The following ABL1 variants were observed in gnomAD, a reference collection of about 807,000 sequenced individuals.
The protein encoded by ABL1 is tyrosine-protein kinase ABL1.
In ABL1, 11 loss-of-function variants were observed where a neutral mutation model predicts 94.7. The observed-to-expected ratio is 0.12, with a 90% CI of 0.07 to 0.19. ABL1 has a LOEUF of 0.19. ABL1 is among the 10% of genes least tolerant of loss of function. ABL1 has a pLI of 1.00. For synonymous variants in ABL1, 656 were observed against 622.4 expected (o/e 1.05, Z -0.80); for missense variants, 1,082 against 1,489.4 (o/e 0.73, Z 4.50).
upstream of ABL1, among the ~76,000 whole-genome samples, chr9:130,831,217 G>C (rs1275354144): frequency 6.6e-6 from 1 of 152,156 alleles, no homozygotes; most frequent in Non-Finnish European, 1.5e-5. Flanking sequence ...GGGTCAGCCA[G>C]ACCTGGGGTC....
At chr9:130,857,279 A>G (rs1004425073) in intron 3 of ABL1, among the ~76,000 whole-genome samples, 4 of 152,144 alleles carry the variant, frequency 2.6e-5, no homozygotes, top group East Asian at 1.9e-4. Context: ...AAATTGTACA[A>G]ATTTGTTCTC....
chr9:130,794,624 G>C (rs1829950675), intron 1 of ABL1, among the ~76,000 whole-genome samples: 1 of 152,152 alleles, frequency 6.6e-6, no homozygotes. Context: ...TTTGATTACA[G>C]TCTTACTGGC....
rs372838676 is a variant in ABL1, at chr9:130,769,329, C to CTTTTTTTTTTTTT, written c.136+54884_136+54896dup. 2.6e-4 allele frequency among the ~76,000 whole-genome samples: 22 copies of CTTTTTTTTTTTTT among 84,318 alleles called. 2 individuals carry two copies. The highest frequency in any genetic ancestry group is 8.8e-4 in the African/African-American group (19 of 21,544). The allele number at this position is 84,318 out of a possible 152,430, so 55.3% of individuals were successfully genotyped here. On this transcript the variant is annotated intron_variant, in intron 1 of 10. Transcript: ENST00000372348. ...TGGAGAGCCAAACTATGGCCCTAGTCTTTTTTTTTTTTTTTTTTTTTTGAG... is the reference window on the plus strand; with the variant it reads ...TGGAGAGCCAAACTATGGCCCTAGTCTTTTTTTTTTTTTTTTTTTTTTTTTTTTTTTTTTTGAG...
At chr9:130,719,661 G>A (rs1378714538) in intron 1 of ABL1, among the ~76,000 whole-genome samples, 1 of 152,196 alleles carries the variant, frequency 6.6e-6, no homozygotes, top group African/African-American at 2.4e-5. Context: ...TTTGGACCCT[G>A]GGTATTCTTT....
intron 7 of ABL1, among the ~76,000 whole-genome samples, chr9:130,876,581 C>A (rs1831347781): frequency 1.3e-5 from 2 of 150,480 alleles, no homozygotes; most frequent in African/African-American, 4.9e-5. Context: ...CCACGCCTGG[C>A]TAAATTTTTT....
At chr9:130,820,082 A>C (rs1830340106) in intron 1 of ABL1, among the ~76,000 whole-genome samples, 1 of 151,452 alleles carries the variant, frequency 6.6e-6, no homozygotes, top group Non-Finnish European at 1.5e-5. Flanking sequence ...ATTTATTGTT[A>C]ATTAATTCCA....
intron 1 of ABL1, among the ~76,000 whole-genome samples, chr9:130,753,432 T>C (rs1333026936): frequency 4.4e-5 from 6 of 137,046 alleles, no homozygotes; most frequent in East Asian, 2.2e-4. Flanking sequence ...CTTTTTTTTT[T>C]TTTTTTTTTT....
chr9:130,865,707 C>A (rs1831142908), intron 4 of ABL1, among the ~76,000 whole-genome samples: 1 of 143,000 alleles, frequency 7.0e-6, no homozygotes, highest in African/African-American at 2.7e-5. Context: ...AATCGTGCCA[C>A]TGCACTCCTA....
chr9:130,779,807 G>GA (rs1207152631), intron 1 of ABL1, among the ~76,000 whole-genome samples: 13 of 152,186 alleles, frequency 8.5e-5, no homozygotes, highest in Non-Finnish European at 1.3e-4. Flanking sequence ...GGATAAGACA[G>GA]AAATATGGTG....
chr9:130,881,299 C>G (rs1831448646), intron 10 of ABL1, among the ~76,000 whole-genome samples: 1 of 152,200 alleles, frequency 6.6e-6, no homozygotes, highest in Non-Finnish European at 1.5e-5. Flanking sequence ...CCAGGTTCTG[C>G]TGCAGACCAG....
At chr9:130,742,032 G>T (rs1831826630) in intron 1 of ABL1, among the ~76,000 whole-genome samples, 1 of 152,174 alleles carries the variant, frequency 6.6e-6, no homozygotes, top group Non-Finnish European at 1.5e-5. Flanking sequence ...GTTGGGAAGA[G>T]AAGGGAACCT....
At position 130,826,844 on chromosome 9, in the gene ABL1, C is replaced by T. The variant is rs192501600; in HGVS notation, c.137-27220C>T. Among the ~76,000 whole-genome samples, 1,165 of 152,060 alleles carry T rather than the reference C, an allele frequency of 7.7e-3. 14 individuals are homozygous for T. Among genetic ancestry groups the T allele is most frequent in the African/African-American group, 0.026 (1,072 of 41,488 alleles). ...CTGTAATCCCAGCACTTTGGGAGGC[C>T]GAGGCGGGCGGATCACAAGGTCAGG... On this transcript the variant is annotated intron_variant, in intron 1 of 10. Transcript: ENST00000372348.
At chr9:130,790,575 C>T (rs867676342) in intron 1 of ABL1, among the ~76,000 whole-genome samples, 61 of 151,756 alleles carry the variant, frequency 4.0e-4, no homozygotes, top group African/African-American at 1.4e-3. Context: ...CCTTGAACTT[C>T]TGGACTCATG....
intron 3 of ABL1, among the ~76,000 whole-genome samples, chr9:130,857,742 A>G (rs1448018379): frequency 6.6e-6 from 1 of 152,062 alleles, no homozygotes; most frequent in African/African-American, 2.4e-5. Flanking sequence ...CTTCTGGCTG[A>G]AATCCTATTG....
chr9:130,807,205 T>C (rs1427340416), intron 1 of ABL1, among the ~76,000 whole-genome samples: 3 of 152,170 alleles, frequency 2.0e-5, no homozygotes, highest in Admixed American at 6.5e-5. Context: ...ATTGTGTGAG[T>C]AGGCCATCAT....
intron 1 of ABL1, among the ~76,000 whole-genome samples, chr9:130,752,064 A>T (rs1265834461): frequency 6.6e-6 from 1 of 152,216 alleles, no homozygotes; most frequent in Admixed American, 6.5e-5. Context: ...TAATGTAGGG[A>T]TGCTTTGGAC....
At chr9:130,752,562 C>T (rs1180053374) in intron 1 of ABL1, among the ~76,000 whole-genome samples, 1 of 152,196 alleles carries the variant, frequency 6.6e-6, no homozygotes, top group Non-Finnish European at 1.5e-5. Flanking sequence ...GTAGTCTTCT[C>T]TTCCCAAAGC....
At chr9:130,845,097 G>A (rs937381582) in intron 1 of ABL1, among the ~76,000 whole-genome samples, 3 of 152,090 alleles carry the variant, frequency 2.0e-5, no homozygotes, top group African/African-American at 7.2e-5. Flanking sequence ...TTAGTGAGAG[G>A]TCCAAATTAT....
chr9:130,814,604 G>A lies in ABL1; in HGVS notation c.137-39460G>A, dbSNP rs372247563. Among the ~76,000 whole-genome samples the A allele has an allele frequency of 5.3e-5, 8 of 152,184 alleles. No individual in the cohort carries two copies. The highest frequency in any genetic ancestry group is 5.2e-4 in the Admixed American group (8 of 15,274). On this transcript the variant is annotated intron_variant, in intron 1 of 10. Transcript: ENST00000372348. The surrounding 1 kb of genome is among the most constrained non-coding windows in gnomAD (Gnocchi z 4.4). ...CTCAAGAAGTAACCATCTGCCGGGC[G>A]CAGTGGCTTACGCCTGTAATCCCAG...
Sources: gnomAD v4.1 joint callset for allele counts (sites outside exome capture counted in the v4.1 genomes callset) on GRCh38, gnomAD v4.1.1 for gene constraint, Gnocchi (gnomAD v3.1) non-coding constraint, MANE v1.5 for transcripts, NCBI Gene and HGNC (gene_info 2026-07-23, HGNC 2026-07-21) for gene names.